Variants in ZNF662 observed in about 807,000 individuals in gnomAD.
ZNF662 encodes zinc finger protein 662.
A neutral mutation model predicts 12.4 loss-of-function variants in ZNF662; 14 were observed. That is an observed-to-expected ratio of 1.13 (90% confidence interval 0.75 to 1.77). ZNF662 has a LOEUF of 1.77. ZNF662 is among the 40% of genes most tolerant of loss of function. ZNF662 has a pLI of 0.00. For missense variants in ZNF662, 550 were observed against 515.6 expected (o/e 1.07, Z -0.65); for synonymous variants, 184 against 176.4 (o/e 1.04, Z -0.34).
chr3:42,906,408 C>G lies in ZNF662; in HGVS notation c.-94+240C>G. ...GCCTCGGCCTTGTCCTCGAGCTGCTCCCGGGACAGCCCGCGCTGCCCCGGG... is the reference window on the plus strand; with the variant it reads ...GCCTCGGCCTTGTCCTCGAGCTGCTGCCGGGACAGCCCGCGCTGCCCCGGG... On this transcript the variant is annotated intron_variant, in intron 1 of 4. Coordinates refer to ENST00000440367, the MANE Select transcript of ZNF662 (RefSeq NM_207404.4). The surrounding 1 kb of genome is among the most constrained non-coding windows in gnomAD (Gnocchi z 4.4). 6.7e-7 allele frequency: 1 copy of G among 1,498,068 alleles called. No individual in the cohort carries two copies. The highest frequency in any genetic ancestry group is 8.9e-7 in the Non-Finnish European group (1 of 1,128,156). 92.8% of individuals were successfully genotyped at this position (1,498,068 alleles called of 1,614,324 possible). A position where few individuals can be genotyped will look rare whatever the true frequency, so the allele number is the denominator to read the frequency against.
chr3:42,917,694 G>A lies in ZNF662; in HGVS notation c.*2340G>A. The A allele has an allele frequency of 8.0e-6, 5 of 621,672 alleles. No individual in the cohort carries two copies. The highest frequency in any genetic ancestry group is 1.4e-5 in the Non-Finnish European group (5 of 351,056). The allele number at this position is 621,672 out of a possible 1,614,324, so 38.5% of individuals were successfully genotyped here. ...AACTTAGCCACACTAATACTGTTTT[G>A]TGTTTGAAATCACTGTTTTCTCATA... On this transcript the variant is annotated 3_prime_UTR_variant, in exon 5 of 5. Transcript: ENST00000440367.
rs199501923 is a variant in ZNF662 at position 42,914,654 on chromosome 3, G to A, written c.581G>A (p.Cys194Tyr). 2.3e-5 allele frequency: 37 copies of A among 1,614,192 alleles called. No homozygotes were observed. The East Asian group carries it at 8.0e-4, about 35-fold the overall frequency. ...CTAAATGAGCAAATATTCTATATAT[G>A]TGAGGAATGCGGCAAGTGTTTTGAT... ...KILNEQIFYI[C>Y]EECGKCFDQN... The change falls in exon 5 of 5, where the codon TGT (cysteine) becomes TAT (tyrosine). Residue 194 changes from cysteine (C) to tyrosine (Y), a missense_variant. Cys to Tyr is a radical substitution (Grantham distance 194). Transcript: ENST00000440367.
At chr3:42,912,583 A>C (rs2088820875) in intron 3 of ZNF662, among the ~76,000 whole-genome samples, 1 of 9,296 alleles carries the variant, frequency 1.1e-4, no homozygotes, top group Admixed American at 2.3e-3. Context: ...TATTTTATAT[A>C]TAAATATATT....
rs772502582 is a variant in ZNF662, at chr3:42,908,904, C to G, written c.146C>G (p.Ser49Cys). 2.9e-5 allele frequency: 46 copies of G among 1,612,830 alleles called. No homozygotes were observed. In the South Asian group the frequency reaches 5.1e-4, roughly 18 times the overall value. ...ALDGEAPRGI[S>C]SGYPFLKPAG... The stretch of plus-strand genomic sequence containing the variant: ...GATGGAGAGGCCCCAAGGGGCATCT[C>G]CTCAGGTGAGTGAGGGCACACGTGC... The change falls in exon 3 of 5, where the codon TCC becomes TGC. Residue 49 changes from serine (S) to cysteine (C), a missense_variant. Coordinates refer to ENST00000440367, the MANE Select transcript of ZNF662 (RefSeq NM_207404.4).
intron 2 of ZNF662, chr3:42,908,476 A>G: frequency 8.1e-7 from 1 of 1,233,958 alleles, no homozygotes; most frequent in South Asian, 2.5e-5. Context: ...GCCTAATTCC[A>G]AGCATCCTCA....
In ZNF662 at chr3:42,916,089, G is replaced by T. The variant is rs1308479687; in HGVS notation, c.*735G>T. ...AAAAGAATTGAAATAGTTGAAAAGGGTGTTCAGTGAAAAGTAAATTTCCTT... is the reference window on the plus strand; with the variant it reads ...AAAAGAATTGAAATAGTTGAAAAGGTTGTTCAGTGAAAAGTAAATTTCCTT... On this transcript the variant is annotated 3_prime_UTR_variant, in exon 5 of 5. Transcript: ENST00000440367. 6.6e-6 allele frequency: 1 copy of T among 152,092 alleles called. No individual in the cohort carries two copies. The highest frequency in any genetic ancestry group is 2.4e-5 in the African/African-American group (1 of 41,424). 9.4% of individuals were successfully genotyped at this position (152,092 alleles called of 1,614,324 possible).
At chr3:42,909,922 A>G (rs957598942) in intron 3 of ZNF662, among the ~76,000 whole-genome samples, 5 of 152,056 alleles carry the variant, frequency 3.3e-5, no homozygotes, top group African/African-American at 1.2e-4. Context: ...GCGGCCGGGC[A>G]GAGACGCTCC....
chr3:42,908,938 T>C (rs999940471), intron 3 of ZNF662, 29 bp downstream of exon 3: 1 of 1,518,388 alleles, frequency 6.6e-7, no homozygotes, highest in Non-Finnish European at 9.1e-7. Context: ...GCCGGTCATC[T>C]GACCAGTTTT....
chr3:42,914,779 A>C lies in ZNF662; in HGVS notation c.706A>C (p.Ile236Leu). ...GKAFSFRSHC[I>L]AHQRIHSGVK... The stretch of plus-strand genomic sequence containing the variant: ...GGCTTTCAGTTTTCGATCACATTGC[A>C]TTGCACATCAGAGAATTCACAGTGG... Residue 236 changes from isoleucine (I) to leucine (L), a missense_variant, in exon 5 of 5, where the codon ATT becomes CTT. Physicochemically the swap from Ile to Leu is conservative, Grantham distance 5 (BLOSUM62 2). Transcript: ENST00000440367. The C allele has an allele frequency of 6.2e-7, 1 of 1,614,008 alleles. No individual in the cohort carries two copies. Among genetic ancestry groups the C allele is most frequent in the Non-Finnish European group, 8.5e-7 (1 of 1,179,958 alleles).
Position 42,918,636 on chromosome 3 carries a change from TAGAATA to T in ZNF662, c.*3285_*3290del, listed in dbSNP as rs55877576. Among the ~76,000 whole-genome samples, 110,672 of 151,352 alleles carry T rather than the reference TAGAATA, an allele frequency of 0.73. 41,562 individuals are homozygous for T. Among genetic ancestry groups the T allele is most frequent in the East Asian group, 0.97 (4,947 of 5,126 alleles). ...CCCCTCTAAAGAAGTACATCTAACT[TAGAATA>T]AGGATAAGGATAAGGGTAGTGATCG... is the stretch of plus-strand genomic sequence containing the variant. On this transcript the variant is annotated 3_prime_UTR_variant, in exon 5 of 5. Transcript: ENST00000440367.
chr3:42,916,126 C>G lies in ZNF662; in HGVS notation c.*772C>G, dbSNP rs1458504657. 6.6e-6 allele frequency: 1 copy of G among 152,116 alleles called. No individual in the cohort carries two copies. The highest frequency in any genetic ancestry group is 1.5e-5 in the Non-Finnish European group (1 of 68,016). The allele number at this position is 152,116 out of a possible 1,614,324, so 9.4% of individuals were successfully genotyped here. On this transcript the variant is annotated 3_prime_UTR_variant, in exon 5 of 5. Transcript: ENST00000440367. ...AAGTAAATTTCCTTGTCATTCCTAT[C>G]TCTTGAGTTCTCCCCAGAGGCAATC... is the stretch of plus-strand genomic sequence containing the variant.
At chr3:42,909,389 T>G (rs1025273372) in intron 3 of ZNF662, among the ~76,000 whole-genome samples, 1 of 152,090 alleles carries the variant, frequency 6.6e-6, no homozygotes, top group Non-Finnish European at 1.5e-5. Flanking sequence ...GGGGTAAGGT[T>G]ATAGATTAAC....
At position 42,919,328 on chromosome 3, in the gene ZNF662, T is replaced by G. The variant is rs1356457431; in HGVS notation, c.*3974T>G. Among the ~76,000 whole-genome samples, 1 of 152,230 alleles carries G rather than the reference T, an allele frequency of 6.6e-6. No individual in the cohort carries two copies. The highest frequency in any genetic ancestry group is 1.5e-5 in the Non-Finnish European group (1 of 68,040). ...GAGTTGTTTGCAAAATAAACTTTAG[T>G]CTTGTATTTGGTCTGATTATTTGCA... On this transcript the variant is annotated 3_prime_UTR_variant, in exon 5 of 5. Coordinates refer to ENST00000440367, the MANE Select transcript of ZNF662 (RefSeq NM_207404.4).
At chr3:42,908,438 TCCCTCCC>T (rs2088715429) in intron 2 of ZNF662, 1 of 1,252,416 alleles carries the variant, frequency 8.0e-7, no homozygotes, top group Non-Finnish European at 1.0e-6. Flanking sequence ...AGCCTTCAGT[TCCCTCCC>T]CTCTCGGTTT....
rs1039330561 is a variant in ZNF662 at position 42,913,197 on chromosome 3, G to A, written c.152-4G>A. The A allele has an allele frequency of 6.2e-7, 1 of 1,611,656 alleles. No homozygotes were observed. Reference sequence around the variant, plus strand: ...CAGCCTTATTTGTATCTTGACCCTGGCAGGATATCCATTTCTAAAGCCTGC... The same window carrying A: ...CAGCCTTATTTGTATCTTGACCCTGACAGGATATCCATTTCTAAAGCCTGC... On this transcript the variant is annotated splice_region_variant and splice_polypyrimidine_tract_variant and intron_variant, in intron 3 of 4. Transcript: ENST00000440367.
rs558350111 is a variant in ZNF662 at position 42,908,815 on chromosome 3, G to A, written c.57G>A (p.Pro19=). The A allele has an allele frequency of 1.5e-5, 25 of 1,614,014 alleles. 1 individual carries two copies. In the South Asian group the frequency reaches 1.8e-4, roughly 11 times the overall value. Residue 19 remains proline (P), a synonymous_variant, in exon 3 of 5, where the codon CCG becomes CCA. Transcript: ENST00000440367. ...ASLAAFPFPK[P]ALISQLERGE... ...AAGCAGCATTTCCATTTCCCAAACC[G>A]GCTCTGATTTCCCAGCTGGAGCGAG...
chr3:42,913,417 A>T (rs942198189), intron 4 of ZNF662, 115 bp downstream of exon 4: 14 of 785,482 alleles, frequency 1.8e-5, no homozygotes, highest in Non-Finnish European at 2.7e-5. Flanking sequence ...TGGGGACCAG[A>T]TCCTTAAATC....
rs1239061661 is a variant in ZNF662 at position 42,915,211 on chromosome 3, A to C, written c.1138A>C (p.Arg380=). The C allele has an allele frequency of 6.2e-7, 1 of 1,614,210 alleles. No individual in the cohort carries two copies. Among genetic ancestry groups the C allele is most frequent in the South Asian group, 1.1e-5 (1 of 91,082 alleles). The change falls in exon 5 of 5, where the codon AGA becomes CGA. Residue 380 remains arginine, a synonymous_variant. Transcript: ENST00000440367. ...CAAGGCACATCTTATTCGACATCAA[A>C]GAATCCATACTGGGGAAAGACCCTA... ...FCKAHLIRHQ[R]IHTGERPYKC... is the part of the protein sequence containing the mutation.
Position 42,918,031 on chromosome 3 carries a change from G to T in ZNF662, c.*2677G>T, listed in dbSNP as rs1303595083. ...TGAGGCAGGAGAATTGCTTGAATCT[G>T]GGAGGTGGAGGTTGCAGTGAGCCGA... On this transcript the variant is annotated 3_prime_UTR_variant, in exon 5 of 5. Transcript: ENST00000440367. Among the ~76,000 whole-genome samples, 1 of 152,194 alleles carries T rather than the reference G, an allele frequency of 6.6e-6. No individual in the cohort carries two copies. Among genetic ancestry groups the T allele is most frequent in the Non-Finnish European group, 1.5e-5 (1 of 68,034 alleles).
Sources: allele counts gnomAD v4.1 joint callset (sites outside exome capture counted in the v4.1 genomes callset), GRCh38; gene constraint gnomAD v4.1.1; non-coding constraint Gnocchi (gnomAD v3.1); transcripts MANE v1.5; gene names NCBI Gene and HGNC (gene_info 2026-07-23, HGNC 2026-07-21).